STPG2: variants seen among roughly 807,000 people sequenced by gnomAD.
The protein encoded by STPG2 is sperm-tail PG-rich repeat-containing protein 2.
In STPG2, 56 loss-of-function variants were observed where a neutral mutation model predicts 54.2. The ratio of observed to expected loss-of-function variants is 1.03; its 90% CI spans 0.83 to 1.29. The LOEUF (loss-of-function observed/expected upper bound fraction) is 1.29, where lower values mean the gene tolerates loss of function less well. Among genes scored for constraint, STPG2 ranks in the 50% most tolerant of loss-of-function variants. STPG2 has a pLI of 0.00. For synonymous variants in STPG2, 200 were observed against 181.8 expected, an observed-to-expected ratio of 1.10 and a Z score of -0.81; for missense variants, 596 against 544.9, an observed-to-expected ratio of 1.09 and a Z score of -0.93.
At chr4:97,663,875 T>C in intron 10 of STPG2, among the ~76,000 whole-genome samples, 1 of 152,182 alleles carries the variant, frequency 6.6e-6, no homozygotes, top group Non-Finnish European at 1.5e-5. Context: ...ACAAATTCTA[T>C]AGTTAATAAT....
At chr4:97,848,331 T>A (rs888346967) in intron 8 of STPG2, among the ~76,000 whole-genome samples, 2 of 152,160 alleles carry the variant, frequency 1.3e-5, no homozygotes, top group African/African-American at 4.8e-5. Context: ...ATTTACTACT[T>A]TGCTTACATA....
chr4:97,942,141 A>G lies in STPG2; in HGVS notation c.1044+1756T>C, dbSNP rs185046735. Among the ~76,000 whole-genome samples, 1,032 of 148,176 alleles carry G rather than the reference A, an allele frequency of 7.0e-3. 5 individuals are homozygous for G. The highest frequency in any genetic ancestry group is 0.015 in the Middle Eastern group (4 of 270). ...ACGTTTTAAATATATATATGTGTGT[A>G]TATATATATATATTTAAAACGTATC... On this transcript the variant is annotated intron_variant, in intron 8 of 10. Coordinates refer to ENST00000295268, the MANE Select transcript of STPG2 (RefSeq NM_174952.3).
chr4:97,511,042 G>C (rs1261253089), intron 4 of STPG2, among the ~76,000 whole-genome samples: 20 of 152,104 alleles, frequency 1.3e-4, no homozygotes, highest in Non-Finnish European at 2.9e-5. Flanking sequence ...AAGAGAAAAG[G>C]GAGGAGTGAA....
At chr4:98,052,901 T>G (rs770332553) in intron 5 of STPG2, among the ~76,000 whole-genome samples, 1 of 152,168 alleles carries the variant, frequency 6.6e-6, no homozygotes, top group Non-Finnish European at 1.5e-5. Context: ...TTCAAAGAGA[T>G]AGTAAATTCG....
At chr4:97,798,045 G>A (rs564810377) in intron 9 of STPG2, among the ~76,000 whole-genome samples, 60 of 152,126 alleles carry the variant, frequency 3.9e-4, no homozygotes, top group African/African-American at 9.4e-4. Context: ...CCTCTTTATC[G>A]TTTTTTATTG....
intron 9 of STPG2, among the ~76,000 whole-genome samples, chr4:97,778,033 G>T (rs1196921148): frequency 6.6e-6 from 1 of 152,112 alleles, no homozygotes; most frequent in African/African-American, 2.4e-5. Flanking sequence ...GAGGTACTGG[G>T]TTCATCTCGC....
chr4:98,119,790 C>T (rs28883991), intron 3 of STPG2, among the ~76,000 whole-genome samples: 11,534 of 151,992 alleles, frequency 0.076, 488 homozygotes, highest in African/African-American at 0.1. Context: ...CTCCTTGTGC[C>T]CATGTGCTCT....
At chr4:97,769,638 G>C (rs964409517) in intron 9 of STPG2, among the ~76,000 whole-genome samples, 2 of 151,414 alleles carry the variant, frequency 1.3e-5, no homozygotes, top group South Asian at 2.1e-4. Flanking sequence ...AATCATCTTC[G>C]TTTCAATTAT....
rs529602528 is a variant in STPG2 at position 97,794,007 on chromosome 4, G to C, written c.1204+46766C>G. On this transcript the variant is annotated intron_variant, in intron 9 of 10. Coordinates refer to ENST00000295268, the MANE Select transcript of STPG2 (RefSeq NM_174952.3). ...TTAAAAAATGCATGGCTTGGAGGTT[G>C]TTGATTGTAACTAATAGGTAAAGCC... 3.9e-5 allele frequency among the ~76,000 whole-genome samples: 6 copies of C among 152,066 alleles called. No homozygotes were observed. In the South Asian group the frequency reaches 1.0e-3, roughly 26 times the overall value.
rs59206485 is a variant in STPG2 at position 97,506,019 on chromosome 4, C to CAAAAAAAAA, written c.462+206671_462+206679dup. On this transcript the variant is annotated intron_variant, in intron 4 of 4. Transcript: ENST00000522676. ...AATTCAGGACCAGAAAATAGGAGAC[C>CAAAAAAAAA]AAAAAAAAAAAAAAAAAAAAAAAAA... Among the ~76,000 whole-genome samples, 2 of 16,932 alleles carry CAAAAAAAAA rather than the reference C, an allele frequency of 1.2e-4. 1 individual carries two copies. The highest frequency in any genetic ancestry group is 2.5e-4 in the Non-Finnish European group (2 of 8,028). 11.1% of individuals were successfully genotyped at this position (16,932 alleles called of 152,430 possible).
chr4:97,885,821 G>A (rs947861657), intron 8 of STPG2, among the ~76,000 whole-genome samples: 1 of 152,016 alleles, frequency 6.6e-6, no homozygotes, highest in Non-Finnish European at 1.5e-5. Flanking sequence ...TGGTACAACT[G>A]TAAATCAAAA....
intron 9 of STPG2, among the ~76,000 whole-genome samples, chr4:97,839,203 G>T (rs1224596212): frequency 6.6e-6 from 1 of 151,578 alleles, no homozygotes; most frequent in African/African-American, 2.4e-5. Context: ...TTCTGAAAAT[G>T]ACTCTGAAAT....
In STPG2 at chr4:98,109,408, C is replaced by T. The variant is rs1041830573; in HGVS notation, c.388-103G>A. 3 of 810,460 alleles carry T rather than the reference C, an allele frequency of 3.7e-6. No individual in the cohort carries two copies. The Admixed American group carries it at 7.9e-5, about 21-fold the overall frequency. 50.2% of individuals were successfully genotyped at this position (810,460 alleles called of 1,614,324 possible). A position where few individuals can be genotyped will look rare whatever the true frequency, so the allele number is the denominator to read the frequency against. On this transcript the variant is annotated intron_variant, in intron 3 of 10. Coordinates refer to ENST00000295268, the MANE Select transcript of STPG2 (RefSeq NM_174952.3). ...AAGTCTAAATCTAAAGCAAGGATAGCCTCAGTAAGGGGGTTCCACTGGTAA... is the reference window on the plus strand; with the variant it reads ...AAGTCTAAATCTAAAGCAAGGATAGTCTCAGTAAGGGGGTTCCACTGGTAA...
intron 7 of STPG2, among the ~76,000 whole-genome samples, chr4:97,965,271 T>A (rs1261161978): frequency 6.6e-6 from 1 of 152,188 alleles, no homozygotes; most frequent in African/African-American, 2.4e-5. Flanking sequence ...CCTGCCAGGC[T>A]GCAGCCAGCC....
In STPG2 at chr4:98,109,297, G is replaced by A. The variant is rs926255873; in HGVS notation, c.396C>T (p.Ser132=). The stretch of plus-strand genomic sequence containing the variant: ...TACCTTTGTATTTCAAAGTTGCATT[G>A]GAAACATCCTAAAAAATAAAAAGTT... ...PAYYKPQFDV[S]NATLKYKGIH... is the part of the protein sequence containing the mutation. The change falls in exon 4 of 11, where the codon TCC becomes TCT. Residue 132 remains serine, a synonymous_variant. Transcript: ENST00000295268. The A allele has an allele frequency of 6.3e-7, 1 of 1,596,362 alleles. No individual in the cohort carries two copies.
intron 10 of STPG2, among the ~76,000 whole-genome samples, chr4:97,582,829 A>T (rs1280835977): frequency 1.3e-5 from 2 of 152,066 alleles, no homozygotes; most frequent in Non-Finnish European, 2.9e-5. Context: ...TTTACACTGC[A>T]GAGTGGAGAT....
chr4:97,665,676 C>T (rs928625990), intron 10 of STPG2, among the ~76,000 whole-genome samples: 5 of 152,174 alleles, frequency 3.3e-5, no homozygotes, highest in Non-Finnish European at 7.3e-5. Flanking sequence ...CTTTTCCAGC[C>T]AGGGCCTATC....
At chr4:98,141,573 C>A (rs1483211841) in intron 1 of STPG2, among the ~76,000 whole-genome samples, 3 of 152,070 alleles carry the variant, frequency 2.0e-5, no homozygotes, top group African/African-American at 7.2e-5. Context: ...GCCTGGAAGC[C>A]CCCACTTTGA....
intron 10 of STPG2, among the ~76,000 whole-genome samples, chr4:97,685,261 C>A (rs1723154828): frequency 6.6e-6 from 1 of 152,044 alleles, no homozygotes; most frequent in African/African-American, 2.4e-5. Flanking sequence ...AAAACCTGCA[C>A]ATGAATGTTT....
Sources: gnomAD v4.1 joint callset for allele counts (sites outside exome capture counted in the v4.1 genomes callset) on GRCh38, gnomAD v4.1.1 for gene constraint, MANE v1.5 for transcripts, NCBI Gene and HGNC (gene_info 2026-07-23, HGNC 2026-07-21) for gene names.